Variants in TRAPPC9 observed in about 807,000 individuals in gnomAD.
TRAPPC9 encodes IKK2 binding protein.
TRAPPC9 carries 83 observed loss-of-function variants against 124.0 expected under a neutral mutation model. That is an observed-to-expected ratio of 0.67 (90% CI 0.56 to 0.80). The LOEUF (loss-of-function observed/expected upper bound fraction) is 0.80. Ranked by LOEUF, TRAPPC9 falls within the 30% of genes least tolerant of loss-of-function variation. The pLI is 0.00. For missense variants in TRAPPC9, 1,302 were observed against 1,508.3 expected, an observed-to-expected ratio of 0.86 and a Z score of 2.27; for synonymous variants, 638 against 617.5, an observed-to-expected ratio of 1.03 and a Z score of -0.49.
intron 18 of TRAPPC9, among the ~76,000 whole-genome samples, chr8:139,998,011 T>C (rs1243786025): frequency 4.4e-5 from 6 of 135,412 alleles, no homozygotes; most frequent in African/African-American, 1.4e-4. Context: ...CAATGCATCC[T>C]ACACAGGGAG....
At chr8:140,034,552 G>A (rs529189689) in intron 17 of TRAPPC9, among the ~76,000 whole-genome samples, 6 of 152,304 alleles carry the variant, frequency 3.9e-5, no homozygotes, top group African/African-American at 9.6e-5. Flanking sequence ...AGCTCACTGC[G>A]GGCAGGGACC....
intron 21 of TRAPPC9, among the ~76,000 whole-genome samples, chr8:139,734,090 T>G (rs1818006131): frequency 6.6e-6 from 1 of 152,180 alleles, no homozygotes; most frequent in African/African-American, 2.4e-5. Context: ...CCACACCCAA[T>G]TCCCAGCGAG....
intron 9 of TRAPPC9, among the ~76,000 whole-genome samples, chr8:140,349,229 C>T (rs1387252030): frequency 2.6e-5 from 2 of 75,590 alleles, no homozygotes; most frequent in Non-Finnish European, 5.5e-5. Context: ...AGAAGGGGGC[C>T]GAAGGGGGCA....
At chr8:140,012,646 T>G (rs1839211309) in intron 18 of TRAPPC9, among the ~76,000 whole-genome samples, 1 of 152,226 alleles carries the variant, frequency 6.6e-6, no homozygotes, top group African/African-American at 2.4e-5. Context: ...TGCATCCTGC[T>G]GGTCAGGCCG....
chr8:140,333,303 T>C (rs901022787), intron 9 of TRAPPC9, among the ~76,000 whole-genome samples: 2 of 152,312 alleles, frequency 1.3e-5, no homozygotes, highest in East Asian at 1.9e-4. Flanking sequence ...AGGAAGCATA[T>C]ATTACTTGTA....
At chr8:140,368,349 T>C (rs944295000) in intron 8 of TRAPPC9, among the ~76,000 whole-genome samples, 1 of 152,202 alleles carries the variant, frequency 6.6e-6, no homozygotes, top group Non-Finnish European at 1.5e-5. Context: ...CCAAACTCCC[T>C]GCCAGATCTC....
At chr8:140,059,729 G>A (rs1225421029) in intron 17 of TRAPPC9, among the ~76,000 whole-genome samples, 1 of 152,184 alleles carries the variant, frequency 6.6e-6, no homozygotes, top group Non-Finnish European at 1.5e-5. Flanking sequence ...CCTTTATGAA[G>A]TGTTTGTTCA....
chr8:140,152,567 A>G lies in TRAPPC9; in HGVS notation c.2556+68892T>C, dbSNP rs1423723923. 4.6e-5 allele frequency among the ~76,000 whole-genome samples: 7 copies of G among 150,594 alleles called. No individual in the cohort carries two copies. The East Asian group carries it at 1.4e-3, about 30-fold the overall frequency. On this transcript the variant is annotated intron_variant, in intron 17 of 22. Coordinates refer to ENST00000438773, the MANE Select transcript of TRAPPC9 (RefSeq NM_001160372.4). ...TTTTTTTTAGTAGAGACGGGGTTTC[A>G]CCATGTTAGCCAGGATGGTCTCGAT...
At chr8:140,239,508 C>T (rs902798914) in intron 16 of TRAPPC9, among the ~76,000 whole-genome samples, 2 of 152,178 alleles carry the variant, frequency 1.3e-5, no homozygotes, top group Non-Finnish European at 2.9e-5. Context: ...GCCCTGCCCG[C>T]GAGATGAGGG....
intron 18 of TRAPPC9, among the ~76,000 whole-genome samples, chr8:139,991,371 G>C (rs1837633081): frequency 6.6e-6 from 1 of 152,124 alleles, no homozygotes; most frequent in Non-Finnish European, 1.5e-5. Flanking sequence ...GTCTGATCTA[G>C]TGTTTCTATT....
intron 21 of TRAPPC9, among the ~76,000 whole-genome samples, chr8:139,787,663 T>A (rs1237792005): frequency 1.3e-5 from 2 of 152,232 alleles, no homozygotes; most frequent in Non-Finnish European, 2.9e-5. Context: ...AACTGGCGAC[T>A]ATTAACTTTC....
chr8:139,944,659 A>G (rs1834103221), intron 19 of TRAPPC9, among the ~76,000 whole-genome samples: 1 of 152,242 alleles, frequency 6.6e-6, no homozygotes, highest in South Asian at 2.1e-4. Flanking sequence ...TATATGTTAT[A>G]TAGAATTAAA....
In TRAPPC9 at chr8:140,246,863, T is replaced by C. The variant is rs186322677; in HGVS notation, c.2431+5914A>G. On this transcript the variant is annotated intron_variant, in intron 16 of 22. Coordinates refer to ENST00000438773, the MANE Select transcript of TRAPPC9 (RefSeq NM_001160372.4). ...ACCCAGGTGTGGTGGCATACGCATG[T>C]AGTCCCAGCTACTTGGGAGGCTGAG... Among the ~76,000 whole-genome samples the C allele has an allele frequency of 4.8e-4, 73 of 152,274 alleles. 1 individual carries two copies. The highest frequency in any genetic ancestry group is 6.8e-3 in the Middle Eastern group (2 of 294).
At chr8:140,423,579 T>TATACACACACACAC (rs1554684613) in intron 5 of TRAPPC9, among the ~76,000 whole-genome samples, 1 of 145,350 alleles carries the variant, frequency 6.9e-6, no homozygotes, top group Non-Finnish European at 1.5e-5. Context: ...AAATGTGGCA[T>TATACACACACACAC]ACACACACAC....
chr8:140,271,194 G>A (rs1244834080), intron 15 of TRAPPC9, among the ~76,000 whole-genome samples: 1 of 152,164 alleles, frequency 6.6e-6, no homozygotes, highest in Non-Finnish European at 1.5e-5. Flanking sequence ...ACCAGATGAA[G>A]GATTTTATGC....
intron 17 of TRAPPC9, among the ~76,000 whole-genome samples, chr8:140,189,172 T>C (rs1167903674): frequency 6.6e-6 from 1 of 152,262 alleles, no homozygotes; most frequent in African/African-American, 2.4e-5. Flanking sequence ...TTTCAACAGC[T>C]TCCTAAGTGG....
chr8:140,458,000 G>T (rs1274210772), upstream of TRAPPC9, among the ~76,000 whole-genome samples: 9 of 135,458 alleles, frequency 6.6e-5, no homozygotes, highest in Non-Finnish European at 1.3e-4. Flanking sequence ...GCGGGGACGG[G>T]GAGGGAGGAG....
At chr8:140,014,963 C>A (rs1161791758) in intron 18 of TRAPPC9, among the ~76,000 whole-genome samples, 1 of 151,672 alleles carries the variant, frequency 6.6e-6, no homozygotes, top group Non-Finnish European at 1.5e-5. Context: ...TTAAAAAATA[C>A]CAATAAGAAA....
intron 20 of TRAPPC9, among the ~76,000 whole-genome samples, chr8:139,887,217 C>CTTTTTT (rs1221275448): frequency 7.7e-6 from 1 of 130,600 alleles, no homozygotes; most frequent in South Asian, 2.5e-4. Context: ...CCTATTTTAG[C>CTTTTTT]TTTTTTTTTT....
Sources: allele counts gnomAD v4.1 joint callset (sites outside exome capture counted in the v4.1 genomes callset), GRCh38; gene constraint gnomAD v4.1.1; transcripts MANE v1.5; gene names NCBI Gene and HGNC (gene_info 2026-07-23, HGNC 2026-07-21).